The following NEDD9 variants were observed in gnomAD, a reference collection of about 807,000 sequenced individuals.
NEDD9 encodes neural precursor cell expressed, developmentally down-regulated 9.
A neutral mutation model predicts 76.6 loss-of-function variants in NEDD9; 26 were observed. The observed-to-expected ratio is 0.34, with a 90% confidence interval of 0.25 to 0.47. The LOEUF (loss-of-function observed/expected upper bound fraction) is 0.47. Among genes scored for constraint, NEDD9 ranks in the 20% least tolerant of loss-of-function variants. The pLI is 1.00. For missense variants in NEDD9, 937 were observed against 1,058.5 expected, an observed-to-expected ratio of 0.89 and a Z score of 1.59; for synonymous variants, 392 against 414.2, an observed-to-expected ratio of 0.95 and a Z score of 0.65.
intron 1 of NEDD9, chr6:11,214,093 C>T (rs1758871768): frequency 2.9e-5 from 13 of 442,334 alleles, no homozygotes; most frequent in Non-Finnish European, 1.8e-5. Flanking sequence ...AAAAAAATCC[C>T]GAGATATTCA....
intron 2 of NEDD9, among the ~76,000 whole-genome samples, chr6:11,333,086 G>GGGAA (rs1435796529): frequency 1.3e-5 from 2 of 149,166 alleles, no homozygotes; most frequent in Non-Finnish European, 3.0e-5. Flanking sequence ...GAGGGAGGGA[G>GGGAA]GGAAGGAAGG....
chr6:11,189,091 C>T (rs777598317), intron 5 of NEDD9, among the ~76,000 whole-genome samples: 8 of 152,016 alleles, frequency 5.3e-5, no homozygotes, highest in Admixed American at 1.3e-4. Flanking sequence ...GGACTACAGG[C>T]GTGCATCACC....
At chr6:11,376,818 G>A (rs972177930) in intron 1 of NEDD9, among the ~76,000 whole-genome samples, 1 of 152,186 alleles carries the variant, frequency 6.6e-6, no homozygotes, top group Non-Finnish European at 1.5e-5. Flanking sequence ...CCCTCCAAAG[G>A]CATTTCAAAA....
rs560576769 is a variant in NEDD9, at chr6:11,381,133, C to T, written c.-214+1006G>A. Among the ~76,000 whole-genome samples, 3 of 152,320 alleles carry T rather than the reference C, an allele frequency of 2.0e-5. No homozygotes were observed. In the South Asian group the frequency reaches 6.2e-4, roughly 32 times the overall value. On this transcript the variant is annotated intron_variant, in intron 1 of 3. Coordinates refer to the NEDD9 transcript ENST00000397378. ...CCGCATTCTTAGAACCAGGAATGTC[C>T]TCGAAAGTAACCAAGCTTGGAAGAA...
In NEDD9 at chr6:11,295,635, CA is replaced by C. The variant is rs139180429; in HGVS notation, c.12+10356del. Among the ~76,000 whole-genome samples, 617 of 152,292 alleles carry C rather than the reference CA, an allele frequency of 4.1e-3. 6 individuals carry two copies. In the East Asian group the frequency reaches 0.052, roughly 13 times the overall value. On this transcript the variant is annotated intron_variant, in intron 3 of 3. Coordinates refer to the NEDD9 transcript ENST00000397378. ...CTGTCTAGGAAGGGGCATAAACTTC[CA>C]ACTACCTTGCCTCAGTTCAGACAAC...
intron 1 of NEDD9, among the ~76,000 whole-genome samples, chr6:11,355,819 C>G (rs529958124): frequency 1.3e-5 from 2 of 152,084 alleles, no homozygotes; most frequent in Admixed American, 6.5e-5. Flanking sequence ...CTCCTGTGTT[C>G]ACACCATTCT....
intron 1 of NEDD9, among the ~76,000 whole-genome samples, chr6:11,360,472 C>T (rs1356576732): frequency 6.6e-6 from 1 of 152,162 alleles, no homozygotes; most frequent in Non-Finnish European, 1.5e-5. Context: ...CCCAATGTTG[C>T]AGGTGGGGCC....
chr6:11,355,685 C>T (rs559043823), intron 1 of NEDD9, among the ~76,000 whole-genome samples: 2 of 151,786 alleles, frequency 1.3e-5, no homozygotes, highest in East Asian at 1.9e-4. Flanking sequence ...AACATCCATG[C>T]TTTTCAAACC....
At chr6:11,376,889 G>A (rs1327159333) in intron 1 of NEDD9, among the ~76,000 whole-genome samples, 1 of 152,250 alleles carries the variant, frequency 6.6e-6, no homozygotes, top group East Asian at 1.9e-4. Flanking sequence ...AATGGTTTCA[G>A]GGGCCAGGCC....
At chr6:11,251,264 G>A (rs1424205106) in intron 3 of NEDD9, 1 of 152,220 alleles carries the variant, frequency 6.6e-6, no homozygotes, top group Non-Finnish European at 1.5e-5. Context: ...TGCTGTCGGG[G>A]TGGTGGCTGT....
At chr6:11,253,800 C>T (rs991735641) in intron 3 of NEDD9, among the ~76,000 whole-genome samples, 12 of 152,140 alleles carry the variant, frequency 7.9e-5, no homozygotes, top group African/African-American at 2.9e-4. Context: ...GATCCAGCAC[C>T]CACCCTCTAA....
chr6:11,364,093 T>C (rs1762721713), intron 1 of NEDD9, among the ~76,000 whole-genome samples: 1 of 152,176 alleles, frequency 6.6e-6, no homozygotes, highest in South Asian at 2.1e-4. Context: ...CAACATGGTT[T>C]ATGCTGAACA....
chr6:11,276,635 A>G (rs1028689745), intron 3 of NEDD9, among the ~76,000 whole-genome samples: 3 of 152,102 alleles, frequency 2.0e-5, no homozygotes, highest in Non-Finnish European at 4.4e-5. Flanking sequence ...ATTTTTTTTA[A>G]CTTCAAACCC....
At chr6:11,347,887 C>A (rs185750828) in intron 1 of NEDD9, among the ~76,000 whole-genome samples, 2 of 152,302 alleles carry the variant, frequency 1.3e-5, no homozygotes, top group Non-Finnish European at 2.9e-5. Context: ...TGGAGCAAGA[C>A]AAGGATGCCC....
chr6:11,209,975 T>TTTTTTTTTTTTTTTG (rs1167935311), intron 2 of NEDD9, among the ~76,000 whole-genome samples: 1 of 150,342 alleles, frequency 6.7e-6, no homozygotes, highest in East Asian at 2.0e-4. Flanking sequence ...ACTGTCTTTT[T>TTTTTTTTTTTTTTTG]TTTTTCCTTA....
At chr6:11,362,511 T>A (rs1011878951) in intron 1 of NEDD9, among the ~76,000 whole-genome samples, 1 of 152,252 alleles carries the variant, frequency 6.6e-6, no homozygotes, top group Non-Finnish European at 1.5e-5. Context: ...GATTCTTATA[T>A]TCTATGAGCT....
Position 11,191,126 on chromosome 6 carries a change from C to T in NEDD9, c.743G>A (p.Arg248Lys). The T allele has an allele frequency of 1.2e-6, 2 of 1,613,960 alleles. No individual in the cohort carries two copies. The highest frequency in any genetic ancestry group is 2.2e-5 in the South Asian group (2 of 91,076). Residue 248 changes from arginine (R) to lysine (K), a missense_variant, in exon 5 of 7, where the codon AGA (arginine) becomes AAA (lysine). Coordinates refer to ENST00000379446, the MANE Select transcript of NEDD9 (RefSeq NM_006403.4). ...TCTGAGGTCCGGCCTTCCAGCTTGT[C>T]TCATGGGAGGGGGGAAGTCATAGTC... is the stretch of plus-strand genomic sequence containing the variant. ...EKDYDFPPPM[R>K]QAGRPDLRPE...
chr6:11,236,870 A>G (rs1017693429), upstream of NEDD9, among the ~76,000 whole-genome samples: 22 of 152,296 alleles, frequency 1.4e-4, no homozygotes, highest in East Asian at 4.2e-3. This position sits in a 1 kb window ranked among gnomAD's most constrained non-coding sequence, Gnocchi z 5.5. Context: ...ACACTTTGGC[A>G]TGGACCACCA....
At chr6:11,297,089 C>T (rs566626476) in intron 3 of NEDD9, among the ~76,000 whole-genome samples, 2 of 151,734 alleles carry the variant, frequency 1.3e-5, no homozygotes, top group African/African-American at 2.4e-5. Context: ...AGGCTTCCTG[C>T]CCTAATGCAA....
Sources: gnomAD v4.1 joint callset for allele counts (sites outside exome capture counted in the v4.1 genomes callset) on GRCh38, gnomAD v4.1.1 for gene constraint, Gnocchi (gnomAD v3.1) non-coding constraint, MANE v1.5 for transcripts, NCBI Gene and HGNC (gene_info 2026-07-23, HGNC 2026-07-21) for gene names.